NEO1: variants seen among roughly 807,000 people sequenced by gnomAD.
NEO1 encodes neogenin 1, also known as neogenin.
In NEO1, 63 loss-of-function variants were observed where a neutral mutation model predicts 159.7. The observed-to-expected ratio is 0.39, with a 90% confidence interval of 0.32 to 0.49. NEO1 has a LOEUF of 0.49. NEO1 is among the 20% of genes least tolerant of loss of function. NEO1 has a pLI of 0.85. For missense variants in NEO1, 1,615 were observed against 1,831.0 expected, an observed-to-expected ratio of 0.88 and a Z score of 2.15; for synonymous variants, 633 against 662.0, an observed-to-expected ratio of 0.96 and a Z score of 0.67.
At chr15:73,289,812 T>C (rs888508346) in intron 25 of NEO1, among the ~76,000 whole-genome samples, 4 of 152,080 alleles carry the variant, frequency 2.6e-5, no homozygotes, top group African/African-American at 9.7e-5. Flanking sequence ...TAGCCAGGTA[T>C]GGTGGTACAT....
intron 1 of NEO1, among the ~76,000 whole-genome samples, chr15:73,065,400 T>G (rs2068165822): frequency 6.6e-6 from 1 of 152,196 alleles, no homozygotes; most frequent in Non-Finnish European, 1.5e-5. Flanking sequence ...GAGATGAATT[T>G]TCTCAGCTTT....
intron 11 of NEO1, among the ~76,000 whole-genome samples, chr15:73,251,243 G>T (rs888692757): frequency 1.3e-5 from 2 of 152,112 alleles, no homozygotes; most frequent in Admixed American, 6.5e-5. Flanking sequence ...TGGTGCAGTG[G>T]CTCATGCCTG....
At chr15:73,058,462 C>T (rs2067824370) in intron 1 of NEO1, among the ~76,000 whole-genome samples, 1 of 152,132 alleles carries the variant, frequency 6.6e-6, no homozygotes, top group African/African-American at 2.4e-5. Flanking sequence ...ATTGTGTATT[C>T]TCCTGTTATG....
At position 73,272,570 on chromosome 15, in the gene NEO1, G is replaced by A. The variant is rs771397795; in HGVS notation, c.2965+8G>A. ...CCAATGGCAAAATTACAGGTAAAATGCAATCAAGTGTGCATTTCTTTGTGC... is the reference window on the plus strand; with the variant it reads ...CCAATGGCAAAATTACAGGTAAAATACAATCAAGTGTGCATTTCTTTGTGC... On this transcript the variant is annotated splice_region_variant and intron_variant, in intron 19 of 28. Transcript: ENST00000261908. 8 of 1,562,780 alleles carry A rather than the reference G, an allele frequency of 5.1e-6. No homozygotes were observed. The highest frequency in any genetic ancestry group is 1.7e-5 in the Admixed American group (1 of 59,864).
intron 5 of NEO1, among the ~76,000 whole-genome samples, chr15:73,150,012 C>A (rs2033246297): frequency 6.6e-6 from 1 of 152,154 alleles, no homozygotes; most frequent in Non-Finnish European, 1.5e-5. Context: ...CCCCTCTCAC[C>A]TTGATCTCTT....
chr15:73,067,825 C>G (rs775308844), intron 1 of NEO1, among the ~76,000 whole-genome samples: 13 of 152,020 alleles, frequency 8.6e-5, no homozygotes, highest in Non-Finnish European at 1.8e-4. Flanking sequence ...ACTGTGTTAG[C>G]TAGGATGGTC....
At chr15:73,289,349 A>G in intron 25 of NEO1, 111 bp downstream of exon 25, 1 of 944,260 alleles carries the variant, frequency 1.1e-6, no homozygotes, top group Non-Finnish European at 1.7e-6. Flanking sequence ...AAGATAATCT[A>G]CCAAAGCTTT....
At chr15:73,061,691 C>T (rs1205553451) in intron 1 of NEO1, among the ~76,000 whole-genome samples, 2 of 152,172 alleles carry the variant, frequency 1.3e-5, no homozygotes, top group Non-Finnish European at 1.5e-5. Flanking sequence ...TGAAATCATA[C>T]ACTCCAACCC....
In NEO1 at chr15:73,249,219, A is replaced by G; in HGVS notation, c.1755+11A>G. The stretch of plus-strand genomic sequence containing the variant: ...ACTGATAAAGAACAGGTATGAAGTG[A>G]AGCAACTTTTCAAACCATTGATTGG... On this transcript the variant is annotated intron_variant, in intron 10 of 28. Transcript: ENST00000261908. 6.2e-7 allele frequency: 1 copy of G among 1,612,752 alleles called. No individual in the cohort carries two copies. Among genetic ancestry groups the G allele is most frequent in the East Asian group, 2.2e-5 (1 of 44,852 alleles).
At chr15:73,140,265 C>A (rs2032251096) in intron 5 of NEO1, among the ~76,000 whole-genome samples, 1 of 152,284 alleles carries the variant, frequency 6.6e-6, no homozygotes. Flanking sequence ...CTATTAAAAA[C>A]TGTACACTGG....
In NEO1 at chr15:73,220,860, C is replaced by T. The variant is rs560690881; in HGVS notation, c.1292-15487C>T. Among the ~76,000 whole-genome samples the T allele has an allele frequency of 2.4e-3, 359 of 152,142 alleles. 1 individual carries two copies. The highest frequency in any genetic ancestry group is 8.3e-3 in the African/African-American group (343 of 41,500). ...TTTTCAAAGTTTTCAACTTCTTTGC[C>T]TTTGGTTTGAATTTCCTCCTGTAGC... On this transcript the variant is annotated intron_variant, in intron 7 of 28. Coordinates refer to ENST00000261908, the MANE Select transcript of NEO1 (RefSeq NM_002499.4).
chr15:73,188,750 A>G (rs974628527), intron 7 of NEO1, among the ~76,000 whole-genome samples: 1 of 152,210 alleles, frequency 6.6e-6, no homozygotes, highest in Non-Finnish European at 1.5e-5. Context: ...TGAAGAAAGG[A>G]TACAAACCTA....
intron 7 of NEO1, among the ~76,000 whole-genome samples, chr15:73,180,258 G>T (rs1415161545): frequency 6.6e-6 from 1 of 152,080 alleles, no homozygotes; most frequent in Non-Finnish European, 1.5e-5. Context: ...ACCTACTCTG[G>T]CTTTTCACTA....
chr15:73,260,190 G>T, intron 14 of NEO1, 81 bp from the exon 15 acceptor site: 1 of 1,351,434 alleles, frequency 7.4e-7, no homozygotes. Flanking sequence ...GTGGTAGGAA[G>T]CTAAACACCA....
intron 28 of NEO1, 168 bp downstream of exon 28, chr15:73,301,625 C>A: frequency 1.1e-6 from 1 of 905,848 alleles, no homozygotes; most frequent in Non-Finnish European, 1.6e-6. Flanking sequence ...CTCTTCTGAG[C>A]CGGGAACTGT....
intron 5 of NEO1, among the ~76,000 whole-genome samples, chr15:73,137,901 G>A (rs937128386): frequency 7.9e-5 from 12 of 152,174 alleles, no homozygotes; most frequent in African/African-American, 2.9e-4. Context: ...AACACATGGA[G>A]TAAAATCTAA....
intron 1 of NEO1, among the ~76,000 whole-genome samples, chr15:73,101,037 G>A (rs750643144): frequency 2.7e-4 from 41 of 152,154 alleles, no homozygotes; most frequent in Non-Finnish European, 5.3e-4. Flanking sequence ...AAGAGGGGCA[G>A]CATTCCTTCA....
At chr15:73,248,786 G>A (rs114309125) in intron 9 of NEO1, among the ~76,000 whole-genome samples, 2,174 of 152,234 alleles carry the variant, frequency 0.014, 54 homozygotes, top group African/African-American at 0.048. Context: ...CTCTTTCTGT[G>A]GTGGTTGCCT....
At chr15:73,274,492 A>G (rs967776380) in intron 20 of NEO1, among the ~76,000 whole-genome samples, 200 bp from the exon 21 acceptor site, 1 of 152,210 alleles carries the variant, frequency 6.6e-6, no homozygotes, top group Non-Finnish European at 1.5e-5. Flanking sequence ...AGCCTAATAA[A>G]ATTTAACTGG....
Sources: gnomAD v4.1 joint callset for allele counts (sites outside exome capture counted in the v4.1 genomes callset) on GRCh38, gnomAD v4.1.1 for gene constraint, MANE v1.5 for transcripts, NCBI Gene and HGNC (gene_info 2026-07-23, HGNC 2026-07-21) for gene names.